The following UBQLN4 variants were observed in gnomAD, a reference collection of about 807,000 sequenced individuals.
UBQLN4 encodes ubiquilin-4.
Under a neutral mutation model 60.4 loss-of-function variants are expected in UBQLN4, and 11 were observed. That is an observed-to-expected ratio of 0.18 (90% confidence interval 0.11 to 0.30). The LOEUF (loss-of-function observed/expected upper bound fraction) is 0.30. Among genes scored for constraint, UBQLN4 ranks in the 10% least tolerant of loss-of-function variants. UBQLN4 has a pLI of 1.00. For missense variants in UBQLN4, 417 were observed against 795.5 expected (o/e 0.52, Z 5.72); for synonymous variants, 258 against 313.1 (o/e 0.82, Z 1.86).
downstream of UBQLN4, among the ~76,000 whole-genome samples, chr1:156,032,825 A>G (rs1683318363): frequency 6.6e-6 from 1 of 152,218 alleles, no homozygotes; most frequent in Non-Finnish European, 1.5e-5. Context: ...GATTCCCCCA[A>G]GGAAGAAGAT....
intron 8 of UBQLN4, 46 bp from the exon 9 acceptor site, chr1:156,042,033 G>A: frequency 1.9e-6 from 3 of 1,613,092 alleles, no homozygotes; most frequent in Non-Finnish European, 2.5e-6. Flanking sequence ...TGGCAGGAAA[G>A]AGGAGACAAC....
chr1:156,032,386 C>T (rs1009450757), downstream of UBQLN4, among the ~76,000 whole-genome samples: 1 of 151,220 alleles, frequency 6.6e-6, no homozygotes, highest in Non-Finnish European at 1.5e-5. Context: ...TGGCTCACGC[C>T]TGTAATCCCA....
Position 156,041,972 on chromosome 1 carries a change from A to G in UBQLN4, c.1366T>C (p.Ser456Pro). Residue 456 changes from serine (S) to proline (P), a missense_variant, in exon 9 of 11, where the codon TCA becomes CCA. Physicochemically the swap from Ser to Pro is moderately conservative, Grantham distance 74. Transcript: ENST00000368309. ...CGGGGATTGGTAAGGATGGAGAGTG[A>G]CTCTGGGTTCTGCATCTGGTGGGAA... is the stretch of plus-strand genomic sequence containing the variant. ...VFLQQMQNPE[S>P]LSILTNPRAM... 2.5e-6 allele frequency: 4 copies of G among 1,613,936 alleles called. No homozygotes were observed. Among genetic ancestry groups the G allele is most frequent in the Non-Finnish European group, 3.4e-6 (4 of 1,179,976 alleles).
chr1:156,053,158 G>T (rs1454090035), intron 1 of UBQLN4, among the ~76,000 whole-genome samples: 1 of 152,174 alleles, frequency 6.6e-6, no homozygotes, highest in African/African-American at 2.4e-5. Context: ...TCTGGGCACA[G>T]GGAAATCCTC....
intron 6 of UBQLN4, 45 bp downstream of exon 6, chr1:156,043,953 G>T (rs769573635): frequency 1.9e-6 from 3 of 1,592,356 alleles, no homozygotes; most frequent in East Asian, 2.2e-5. Flanking sequence ...GGACAGAGGG[G>T]CTGCCCTGGT....
intron 1 of UBQLN4, among the ~76,000 whole-genome samples, chr1:156,052,537 T>A (rs2102758533): frequency 6.6e-6 from 1 of 152,324 alleles, no homozygotes; most frequent in South Asian, 2.1e-4. Context: ...TTGGCCAGGC[T>A]GGTCTTGAAC....
chr1:156,043,113 C>A (rs972821004), intron 6 of UBQLN4, among the ~76,000 whole-genome samples, 200 bp from the exon 7 acceptor site: 4 of 152,194 alleles, frequency 2.6e-5, no homozygotes, highest in African/African-American at 9.7e-5. Flanking sequence ...TTTGGCCTGG[C>A]CCCTTTTCCA....
chr1:156,039,069 G>C (rs1428419083), intron 10 of UBQLN4, among the ~76,000 whole-genome samples: 1 of 152,082 alleles, frequency 6.6e-6, no homozygotes, highest in African/African-American at 2.4e-5. Flanking sequence ...TGGGATTACA[G>C]GCATGAGCCA....
chr1:156,036,706 A>C lies in UBQLN4; in HGVS notation c.*272T>G. The C allele has an allele frequency of 8.4e-7, 1 of 1,195,648 alleles. No individual in the cohort carries two copies. The highest frequency in any genetic ancestry group is 1.0e-6 in the Non-Finnish European group (1 of 960,966). The allele number at this position is 1,195,648 out of a possible 1,614,324, so 74.1% of individuals were successfully genotyped here. On this transcript the variant is annotated 3_prime_UTR_variant, in exon 11 of 11. Transcript: ENST00000368309. ...ATTGCAAAAGTGGTGTGGGGCAAGG[A>C]GGTAGAGTCAATCAATGAAACTGTG...
intron 7 of UBQLN4, 97 bp downstream of exon 7, chr1:156,042,677 A>G (rs1683599827): frequency 1.3e-6 from 2 of 1,517,962 alleles, no homozygotes; most frequent in East Asian, 4.6e-5. Flanking sequence ...ATGCAAACCC[A>G]GGCAGTCTGG....
chr1:156,046,552 A>G (rs1683708879), intron 5 of UBQLN4, among the ~76,000 whole-genome samples: 1 of 151,250 alleles, frequency 6.6e-6, no homozygotes, highest in South Asian at 2.1e-4. Flanking sequence ...TATTAAAAAA[A>G]AAAAAAGCAG....
At chr1:156,034,924 A>G (rs866936745), downstream of UBQLN4, among the ~76,000 whole-genome samples, 1 of 139,036 alleles carries the variant, frequency 7.2e-6, no homozygotes, top group Non-Finnish European at 1.5e-5. Context: ...GCTGGAGTGC[A>G]GCGGCGCAAT....
At chr1:156,044,300 C>G in intron 5 of UBQLN4, 77 bp from the exon 6 acceptor site, 1 of 1,288,028 alleles carries the variant, frequency 7.8e-7, no homozygotes, top group Non-Finnish European at 1.1e-6. Context: ...TCTCCTCTCA[C>G]TTAATAGCCT....
At position 156,050,707 on chromosome 1, in the gene UBQLN4, C is replaced by CA. The variant is rs909673992; in HGVS notation, c.479-155dup. On this transcript the variant is annotated intron_variant, in intron 3 of 10. Transcript: ENST00000368309. This position sits in a 1 kb window ranked among gnomAD's most constrained non-coding sequence, Gnocchi z 4.6. ...CAGCCCGGCCCTGATCCACTGCTGGCAAAAAAATGTGAGCCTACTAGACTG... is the reference window on the plus strand; with the variant it reads ...CAGCCCGGCCCTGATCCACTGCTGGCAAAAAAAATGTGAGCCTACTAGACTG... Among the ~76,000 whole-genome samples, 1 of 152,024 alleles carries CA rather than the reference C, an allele frequency of 6.6e-6. No individual in the cohort carries two copies. Among genetic ancestry groups the CA allele is most frequent in the Non-Finnish European group, 1.5e-5 (1 of 67,980 alleles).
At chr1:156,037,750 A>C (rs1029702507) in intron 10 of UBQLN4, among the ~76,000 whole-genome samples, 2 of 152,214 alleles carry the variant, frequency 1.3e-5, no homozygotes, top group African/African-American at 4.8e-5. Context: ...GGCACTCCAA[A>C]AGCCAAATGT....
intron 10 of UBQLN4, among the ~76,000 whole-genome samples, chr1:156,039,936 CAAAAAAAAAAAAAAA>C (rs34790727): frequency 1.4e-5 from 1 of 72,008 alleles, no homozygotes; most frequent in East Asian, 4.9e-4. Context: ...GACTCCGTCT[CAAAAAAAAAAAAAAA>C]AAAAAAAAAG....
intron 1 of UBQLN4, among the ~76,000 whole-genome samples, chr1:156,053,077 T>G (rs892092926): frequency 6.6e-6 from 1 of 152,170 alleles, no homozygotes; most frequent in African/African-American, 2.4e-5. Context: ...GAGCACCTAC[T>G]GCACACCGTG....
rs562121311 is a variant in UBQLN4 at position 156,048,149 on chromosome 1, G to A, written c.900+352C>T. On this transcript the variant is annotated intron_variant, in intron 5 of 10. Transcript: ENST00000368309. This position sits in a 1 kb window ranked among gnomAD's most constrained non-coding sequence, Gnocchi z 4.9. ...CTCATTATCAACAAGGTCCCCAGGT[G>A]ATTCTGATGCAGGTGATCCATGGAC... Among the ~76,000 whole-genome samples the A allele has an allele frequency of 1.6e-4, 25 of 152,238 alleles. No individual in the cohort carries two copies. The highest frequency in any genetic ancestry group is 3.2e-4 in the Non-Finnish European group (22 of 68,018).
At chr1:156,033,017 A>G (rs1683322076), downstream of UBQLN4, among the ~76,000 whole-genome samples, 4 of 152,208 alleles carry the variant, frequency 2.6e-5, no homozygotes, top group South Asian at 8.3e-4. Context: ...CAATGCCCGT[A>G]CTCAAGAATC....
Sources: allele counts gnomAD v4.1 joint callset (sites outside exome capture counted in the v4.1 genomes callset), GRCh38; gene constraint gnomAD v4.1.1; non-coding constraint Gnocchi (gnomAD v3.1); transcripts MANE v1.5; gene names NCBI Gene and HGNC (gene_info 2026-07-23, HGNC 2026-07-21).